SHROOM2: variants seen among roughly 807,000 people sequenced by gnomAD.
SHROOM2 encodes the protein shroom family member 2, also known as protein Shroom2.
In SHROOM2, 33 loss-of-function variants were observed where a neutral mutation model predicts 75.9. That is an observed-to-expected ratio of 0.43 (90% CI 0.33 to 0.58). SHROOM2 has a LOEUF of 0.58. SHROOM2 is among the 20% of genes least tolerant of loss of function. The pLI is 0.04. For missense variants in SHROOM2, 1,434 were observed against 1,461.2 expected (o/e 0.98, Z 0.30); for synonymous variants, 655 against 663.6 (o/e 0.99, Z 0.20).
At chrX:9,940,086 A>G (rs1250496046) in intron 8 of SHROOM2, among the ~76,000 whole-genome samples, 1 of 112,382 alleles carries the variant, frequency 8.9e-6, no homozygotes, top group Admixed American at 9.4e-5. Flanking sequence ...GGGCTGGAAG[A>G]TGGTAACTTT....
Position 9,937,430 on chromosome X carries a change from G to A in SHROOM2, c.3884G>A (p.Cys1295Tyr). 8.3e-7 allele frequency: 1 copy of A among 1,211,027 alleles called. No homozygotes were observed. The highest frequency in any genetic ancestry group is 1.7e-5 in the African/African-American group (1 of 57,822). The stretch of plus-strand genomic sequence containing the variant: ...CAGGTGCCCCCCGAGAAAGACCGCT[G>A]CACCTCCCCTCCAGGGCTCAGCTAC... ...GTQVPPEKDR[C>Y]TSPPGLSYMK... The change falls in exon 7 of 10, where the codon TGC becomes TAC. Residue 1295 changes from cysteine (C) to tyrosine (Y), a missense_variant. This residue lies in a region of SHROOM2 where 1,340 missense variants were observed against 1,338.3 expected (regional missense o/e 1.00). Coordinates refer to ENST00000380913, the MANE Select transcript of SHROOM2 (RefSeq NM_001649.4).
At chrX:9,868,368 C>T (rs1251890438) in intron 1 of SHROOM2, among the ~76,000 whole-genome samples, 1 of 109,500 alleles carries the variant, frequency 9.1e-6, no homozygotes, top group African/African-American at 3.3e-5. Flanking sequence ...GACTCAGTCT[C>T]CTGGGTAGCT....
chrX:9,855,942 T>C (rs1405854200), intron 1 of SHROOM2, among the ~76,000 whole-genome samples: 1 of 111,494 alleles, frequency 9.0e-6, no homozygotes, highest in Non-Finnish European at 1.9e-5. Context: ...TTACTCGGCT[T>C]TAGCTGAGGC....
At chrX:9,911,650 T>C (rs2084427271) in intron 5 of SHROOM2, among the ~76,000 whole-genome samples, 1 of 110,730 alleles carries the variant, frequency 9.0e-6, no homozygotes, top group South Asian at 3.9e-4. Context: ...ATAGAGATCA[T>C]TGTGAAATGG....
intron 1 of SHROOM2, chrX:9,819,176 A>G (rs964020161): frequency 1.4e-4 from 162 of 1,121,530 alleles, no homozygotes; most frequent in Middle Eastern, 3.4e-4. Context: ...TTGGCTTGAC[A>G]TGCATATCTG....
At chrX:9,878,633 C>T (rs911350923) in intron 2 of SHROOM2, among the ~76,000 whole-genome samples, 2 of 111,927 alleles carry the variant, frequency 1.8e-5, no homozygotes, top group Non-Finnish European at 3.8e-5. Flanking sequence ...GGCCCTGCAG[C>T]CCTAAGGTTG....
intron 8 of SHROOM2, 104 bp downstream of exon 8, chrX:9,939,470 A>C: frequency 1.4e-6 from 1 of 724,329 alleles, no homozygotes; most frequent in Non-Finnish European, 2.0e-6. Context: ...CACGTGTCCC[A>C]GGGCGTTTGT....
At chrX:9,849,892 A>G (rs1382657107) in intron 1 of SHROOM2, among the ~76,000 whole-genome samples, 2 of 112,454 alleles carry the variant, frequency 1.8e-5, no homozygotes, top group Non-Finnish European at 3.8e-5. Context: ...TGGATACATT[A>G]GATTGTATTT....
intron 5 of SHROOM2, among the ~76,000 whole-genome samples, chrX:9,921,613 C>A (rs1569170305): frequency 1.8e-5 from 2 of 111,829 alleles, no homozygotes; most frequent in African/African-American, 3.3e-5. Flanking sequence ...CCAATACCTC[C>A]CTGTTTCCCC....
chrX:9,912,918 T>C (rs536490824), intron 5 of SHROOM2: 1 of 110,955 alleles, frequency 9.0e-6, no homozygotes, highest in East Asian at 2.8e-4. Flanking sequence ...CGTGGATGCA[T>C]GCAATTTTTA....
intron 1 of SHROOM2, among the ~76,000 whole-genome samples, chrX:9,836,986 C>G (rs1328125127): frequency 1.8e-5 from 2 of 112,461 alleles, no homozygotes; most frequent in African/African-American, 6.5e-5. Context: ...TGTTCTGTGA[C>G]TGGCTTTTTG....
At chrX:9,838,384 G>T (rs73194178) in intron 1 of SHROOM2, among the ~76,000 whole-genome samples, 10 of 110,481 alleles carry the variant, frequency 9.1e-5, no homozygotes, top group African/African-American at 3.3e-4. Context: ...TTAAGGTCAC[G>T]AGCTGGCTGG....
At chrX:9,849,879 GA>G in intron 1 of SHROOM2, among the ~76,000 whole-genome samples, 1 of 112,339 alleles carries the variant, frequency 8.9e-6, no homozygotes, top group Non-Finnish European at 1.9e-5. Context: ...ATTTAGCAAG[GA>G]ATGGATACAT....
chrX:9,796,470 C>A (rs759632834), intron 1 of SHROOM2, among the ~76,000 whole-genome samples: 21 of 110,897 alleles, frequency 1.9e-4, no homozygotes, highest in Non-Finnish European at 4.0e-4. Flanking sequence ...AAAAATACAT[C>A]TAATGCCCAG....
At chrX:9,891,275 A>C (rs1401968051) in intron 3 of SHROOM2, among the ~76,000 whole-genome samples, 167 bp downstream of exon 3, 1 of 112,095 alleles carries the variant, frequency 8.9e-6, no homozygotes, top group Non-Finnish European at 1.9e-5. Flanking sequence ...CGTGTGACAC[A>C]AAATGAAATG....
chrX:9,882,178 CT>C (rs386416608), intron 2 of SHROOM2, among the ~76,000 whole-genome samples: 1,982 of 71,019 alleles, frequency 0.028, 63 homozygotes, highest in African/African-American at 0.099. Flanking sequence ...TCCCTTGTTG[CT>C]TTTTTTTTTT....
intron 1 of SHROOM2, among the ~76,000 whole-genome samples, chrX:9,816,482 T>G (rs2083822389): frequency 8.9e-6 from 1 of 112,125 alleles, no homozygotes; most frequent in South Asian, 3.8e-4. Context: ...CCGACAGAGG[T>G]GGTCAGCATG....
At chrX:9,890,955 C>T in intron 2 of SHROOM2, 22 bp from the exon 3 acceptor site, 1 of 1,188,259 alleles carries the variant, frequency 8.4e-7, no homozygotes, top group Non-Finnish European at 1.1e-6. Context: ...TGACCCCCCG[C>T]CTCCCCTGCG....
intron 5 of SHROOM2, among the ~76,000 whole-genome samples, chrX:9,911,318 A>T (rs1324131931): frequency 8.9e-6 from 1 of 112,101 alleles, no homozygotes; most frequent in Non-Finnish European, 1.9e-5. Flanking sequence ...GGGATATAAC[A>T]TTAATGAATC....
Sources: gnomAD v4.1 joint callset for allele counts (sites outside exome capture counted in the v4.1 genomes callset) on GRCh38, gnomAD v4.1.1 for gene constraint, gnomAD v4.1.1 regional missense constraint, MANE v1.5 for transcripts, NCBI Gene and HGNC (gene_info 2026-07-23, HGNC 2026-07-21) for gene names.